Variants in CCDC88A observed in about 807,000 individuals in gnomAD.
The protein encoded by CCDC88A is coiled-coil and HOOK domain protein 88A.
CCDC88A carries 54 observed loss-of-function variants against 234.3 expected under a neutral mutation model. The observed-to-expected ratio is 0.23, with a 90% CI of 0.19 to 0.29. The LOEUF is 0.29. CCDC88A is among the 10% of genes least tolerant of loss of function. The pLI is 1.00. For synonymous variants in CCDC88A, 753 were observed against 737.8 expected (o/e 1.02, Z -0.33); for missense variants, 1,832 against 2,123.4 (o/e 0.86, Z 2.70).
intron 3 of CCDC88A, among the ~76,000 whole-genome samples, chr2:55,384,530 T>TATAC (rs371342949): frequency 0.53 from 38,911 of 73,380 alleles, 16,207 homozygotes; most frequent in Admixed American, 0.67. Flanking sequence ...TATATATATA[T>TATAC]ACATATATAC....
At chr2:55,371,678 G>A (rs1025892213) in intron 5 of CCDC88A, among the ~76,000 whole-genome samples, 1 of 152,012 alleles carries the variant, frequency 6.6e-6, no homozygotes, top group Non-Finnish European at 1.5e-5. Context: ...ACAGAAATGG[G>A]GTTTCATTAT....
chr2:55,382,154 G>C (rs942936442), intron 3 of CCDC88A, among the ~76,000 whole-genome samples: 6 of 151,938 alleles, frequency 3.9e-5, no homozygotes, highest in Admixed American at 3.3e-4. Flanking sequence ...TCATTTTCTT[G>C]GCTACTGAAT....
chr2:55,340,941 G>A (rs1277574740), intron 12 of CCDC88A, among the ~76,000 whole-genome samples: 4 of 151,840 alleles, frequency 2.6e-5, no homozygotes, highest in Non-Finnish European at 5.9e-5. Context: ...TGTGTCCTTT[G>A]ACCAACATCT....
At chr2:55,294,941 A>C (rs890134919) in intron 31 of CCDC88A, 3 of 1,191,796 alleles carry the variant, frequency 2.5e-6, no homozygotes, top group African/African-American at 3.2e-5. Context: ...ACACTGTGCA[A>C]CAATTTTAAA....
intron 5 of CCDC88A, among the ~76,000 whole-genome samples, chr2:55,371,805 G>A (rs758140905): frequency 6.6e-6 from 1 of 151,924 alleles, no homozygotes; most frequent in Non-Finnish European, 1.5e-5. Context: ...ATTATTAACA[G>A]TACCTTCTTT....
chr2:55,310,511 G>A (rs753532384), intron 23 of CCDC88A, among the ~76,000 whole-genome samples: 2 of 152,160 alleles, frequency 1.3e-5, no homozygotes, highest in Non-Finnish European at 2.9e-5. Flanking sequence ...GAACTCAGGA[G>A]TGGAGTTTGC....
intron 3 of CCDC88A, among the ~76,000 whole-genome samples, chr2:55,378,828 C>T (rs577198209): frequency 2.0e-5 from 3 of 151,716 alleles, no homozygotes; most frequent in Non-Finnish European, 4.4e-5. Context: ...TCACTGCAAC[C>T]TCTGCCTCCC....
chr2:55,339,284 G>T (rs1668176972), intron 13 of CCDC88A, 180 bp downstream of exon 13: 1 of 590,946 alleles, frequency 1.7e-6, no homozygotes, highest in Non-Finnish European at 2.7e-6. Context: ...GTTCTTAATT[G>T]CTGAAGCTGA....
chr2:55,382,459 A>G (rs1267482487), intron 3 of CCDC88A, among the ~76,000 whole-genome samples: 1 of 152,158 alleles, frequency 6.6e-6, no homozygotes, highest in Non-Finnish European at 1.5e-5. Flanking sequence ...TACTTATTCA[A>G]ACTGCGGCCA....
At position 55,335,517 on chromosome 2, in the gene CCDC88A, C is replaced by A. The variant is rs2589068; in HGVS notation, c.1657-353G>T. Among the ~76,000 whole-genome samples the A allele has an allele frequency of 0.078, 11,942 of 152,202 alleles. 708 individuals are homozygous for A. Among genetic ancestry groups the A allele is most frequent in the East Asian group, 0.31 (1,582 of 5,170 alleles). On this transcript the variant is annotated intron_variant, in intron 14 of 32. Transcript: ENST00000436346. This position sits in a 1 kb window ranked among gnomAD's most constrained non-coding sequence, Gnocchi z 4.5. ...GGAATACAGGTAACACACACACATACCTCCTTGAGAACATAAGGTTCTACT... is the reference window on the plus strand; with the variant it reads ...GGAATACAGGTAACACACACACATAACTCCTTGAGAACATAAGGTTCTACT...
chr2:55,332,620 T>C lies in CCDC88A; in HGVS notation c.2801A>G (p.Lys934Arg). The C allele has an allele frequency of 6.2e-7, 1 of 1,613,474 alleles. No homozygotes were observed. Among genetic ancestry groups the C allele is most frequent in the South Asian group, 1.1e-5 (1 of 91,072 alleles). The change falls in exon 16 of 33, where the codon AAG (lysine) becomes AGG (arginine). Residue 934 changes from lysine (K) to arginine (R), a missense_variant. Physicochemically the swap from Lys to Arg is conservative, Grantham distance 26. Around this residue, in one of 6 missense-constraint regions of CCDC88A, gnomAD observed 1,282 missense variants for 1,543.6 expected, o/e 0.83. Transcript: ENST00000436346. The surrounding 1 kb of genome is among the most constrained non-coding windows in gnomAD (Gnocchi z 4.5). The part of the protein sequence containing the change: ...DLEKLTHELE[K>R]IGLNKERLLH... ...GAGTCGCTCCTTATTTAACCCTATCTTCTCAAGCTCATGAGTTAATTTTTC... is the reference window on the plus strand; with the variant it reads ...GAGTCGCTCCTTATTTAACCCTATCCTCTCAAGCTCATGAGTTAATTTTTC...
chr2:55,340,097 G>A, intron 12 of CCDC88A: 1 of 152,878 alleles, frequency 6.5e-6, no homozygotes, highest in Non-Finnish European at 1.5e-5. Context: ...GGGATTACAG[G>A]CATGAGCCGC....
chr2:55,329,332 C>T (rs1034940235), intron 16 of CCDC88A: 1 of 152,154 alleles, frequency 6.6e-6, no homozygotes, highest in Non-Finnish European at 1.5e-5. Flanking sequence ...GAAGACAACA[C>T]TAAATAAAAA....
Position 55,295,802 on chromosome 2 carries a change from T to C in CCDC88A, c.5346A>G (p.Lys1782=). 1 of 1,614,158 alleles carries C rather than the reference T, an allele frequency of 6.2e-7. No individual in the cohort carries two copies. Among genetic ancestry groups the C allele is most frequent in the Non-Finnish European group, 8.5e-7 (1 of 1,180,010 alleles). ...KPTPGTQGKI[K]LVKESSLSRQ... is the part of the protein sequence containing the mutation. Reference sequence around the variant, plus strand: ...GTGACAGAGAAGATTCTTTTACTAATTTTATTTTTCCTTGAGTGCCTGGTG... The same window carrying C: ...GTGACAGAGAAGATTCTTTTACTAACTTTATTTTTCCTTGAGTGCCTGGTG... The change falls in exon 31 of 33, where the codon AAA becomes AAG. Residue 1782 remains lysine (K), a synonymous_variant. Coordinates refer to ENST00000436346, the MANE Select transcript of CCDC88A (RefSeq NM_001365480.1).
At chr2:55,406,226 T>C (rs1010590021) in intron 2 of CCDC88A, 4 of 150,758 alleles carry the variant, frequency 2.7e-5, no homozygotes, top group Admixed American at 2.0e-4. Context: ...AAGGTGGAAA[T>C]ATAGTCTAAT....
At chr2:55,349,690 T>C (rs1669621312) in intron 8 of CCDC88A, 91 bp from the exon 9 acceptor site, 3 of 816,824 alleles carry the variant, frequency 3.7e-6, no homozygotes, top group East Asian at 2.6e-5. Flanking sequence ...CATCACTAAA[T>C]AACTAGTTGG....
In CCDC88A at chr2:55,328,658, G is replaced by C. The variant is rs1684545991; in HGVS notation, c.2856-223C>G. The C allele has an allele frequency of 3.1e-6, 1 of 320,356 alleles. No homozygotes were observed. The highest frequency in any genetic ancestry group is 5.5e-6 in the Non-Finnish European group (1 of 180,190). 19.8% of individuals were successfully genotyped at this position (320,356 alleles called of 1,614,324 possible). On this transcript the variant is annotated intron_variant, in intron 16 of 32. Transcript: ENST00000436346. This position sits in a 1 kb window ranked among gnomAD's most constrained non-coding sequence, Gnocchi z 4.3. ...TTGAGTGAACAGAGCTCCGGATTAT[G>C]GCTTAGATTATCAAAAGCAATAATT...
chr2:55,302,387 A>G (rs900235888), intron 26 of CCDC88A, among the ~76,000 whole-genome samples: 18 of 152,198 alleles, frequency 1.2e-4, no homozygotes, highest in African/African-American at 3.9e-4. Flanking sequence ...AGCCTTCACA[A>G]TGTGGTTTTG....
chr2:55,384,530 TAC>T (rs1553428218), intron 3 of CCDC88A, among the ~76,000 whole-genome samples: 4 of 73,400 alleles, frequency 5.4e-5, no homozygotes, highest in Admixed American at 1.5e-4. Context: ...TATATATATA[TAC>T]ATATATACGT....
Sources: gnomAD v4.1 joint callset for allele counts (sites outside exome capture counted in the v4.1 genomes callset) on GRCh38, gnomAD v4.1.1 for gene constraint, gnomAD v4.1.1 regional missense constraint, Gnocchi (gnomAD v3.1) non-coding constraint, MANE v1.5 for transcripts, NCBI Gene and HGNC (gene_info 2026-07-23, HGNC 2026-07-21) for gene names.